Variants in FHIT observed in about 807,000 individuals in gnomAD.
FHIT encodes fragile histidine triad diadenosine triphosphatase, also known as bis(5'-adenosyl)-triphosphatase.
FHIT carries 19 observed loss-of-function variants against 17.9 expected under a neutral mutation model. The observed-to-expected ratio is 1.06, with a 90% CI of 0.74 to 1.56. FHIT has a LOEUF of 1.56. Among genes scored for constraint, FHIT ranks in the 40% most tolerant of loss-of-function variants. The pLI, the probability that FHIT is intolerant of heterozygous loss-of-function variation, is 0.00. For missense variants in FHIT, 248 were observed against 189.2 expected (o/e 1.31, Z -1.82); for synonymous variants, 81 against 69.7 (o/e 1.16, Z -0.81).
At chr3:60,531,000 T>C (rs1337532785) in intron 5 of FHIT, among the ~76,000 whole-genome samples, 3 of 152,192 alleles carry the variant, frequency 2.0e-5, no homozygotes, top group East Asian at 1.9e-4. Flanking sequence ...GCTAAATGCA[T>C]GTCTTTGAAC....
At chr3:60,723,974 T>C (rs782524588) in intron 4 of FHIT, among the ~76,000 whole-genome samples, 4 of 152,242 alleles carry the variant, frequency 2.6e-5, no homozygotes, top group Non-Finnish European at 5.9e-5. Flanking sequence ...TTTTTGTTTT[T>C]ATAACAGCTT....
At chr3:60,081,403 C>A (rs1576055213) in intron 5 of FHIT, among the ~76,000 whole-genome samples, 2 of 152,190 alleles carry the variant, frequency 1.3e-5, no homozygotes, top group South Asian at 4.2e-4. Context: ...CAGCCTGATC[C>A]ACTTACTTCT....
At chr3:60,817,525 T>C (rs1407826945) in intron 4 of FHIT, among the ~76,000 whole-genome samples, 6 of 152,018 alleles carry the variant, frequency 3.9e-5, no homozygotes, top group African/African-American at 1.4e-4. Context: ...TGTTTTGCTT[T>C]TTTTTTTACC....
At chr3:60,685,075 AC>A (rs782582316) in intron 4 of FHIT, among the ~76,000 whole-genome samples, 2 of 152,066 alleles carry the variant, frequency 1.3e-5, no homozygotes, top group South Asian at 2.1e-4. Flanking sequence ...TATTAAAGTA[AC>A]CCTTATCTTC....
chr3:60,701,077 T>C (rs953472182), intron 4 of FHIT, among the ~76,000 whole-genome samples: 39 of 152,124 alleles, frequency 2.6e-4, no homozygotes, highest in African/African-American at 8.7e-4. Flanking sequence ...TTTCATAGCA[T>C]CTTTTATTAG....
chr3:60,321,804 G>C (rs1250889459), intron 5 of FHIT, among the ~76,000 whole-genome samples: 1 of 152,194 alleles, frequency 6.6e-6, no homozygotes, highest in African/African-American at 2.4e-5. Context: ...CCTGGTGAGG[G>C]CTTGCTCTCT....
rs140485514 is a variant in FHIT, at chr3:60,484,001, T to C, written c.103+52859A>G. 3.7e-3 allele frequency among the ~76,000 whole-genome samples: 559 copies of C among 152,178 alleles called. 6 individuals carry two copies. Among genetic ancestry groups the C allele is most frequent in the East Asian group, 0.029 (150 of 5,158 alleles). On this transcript the variant is annotated intron_variant, in intron 5 of 9. Transcript: ENST00000492590. ...AAAGTCTCAGGATACAAAATCAATG[T>C]GCAAAAATCACAAGCATTCCTTTAC...
At chr3:60,907,688 G>GA (rs1360614081) in intron 3 of FHIT, among the ~76,000 whole-genome samples, 1 of 151,916 alleles carries the variant, frequency 6.6e-6, no homozygotes, top group South Asian at 2.1e-4. Flanking sequence ...ATAAATGAGA[G>GA]AAAAAAAGCC....
intron 2 of FHIT, among the ~76,000 whole-genome samples, chr3:61,191,323 C>T (rs1406487605): frequency 2.0e-5 from 3 of 152,132 alleles, no homozygotes; most frequent in Non-Finnish European, 4.4e-5. Flanking sequence ...TTCTGCTTCA[C>T]TGTGTGAGCT....
At chr3:60,595,159 C>A (rs2038222676) in intron 4 of FHIT, among the ~76,000 whole-genome samples, 1 of 152,030 alleles carries the variant, frequency 6.6e-6, no homozygotes, top group African/African-American at 2.4e-5. Context: ...ATCTGCATTA[C>A]ATTTCAAGCC....
chr3:60,241,838 G>C (rs186951530), intron 5 of FHIT, among the ~76,000 whole-genome samples: 29 of 152,150 alleles, frequency 1.9e-4, no homozygotes, highest in African/African-American at 6.7e-4. Flanking sequence ...AAGAAGTGGA[G>C]CTTACTCTAA....
At chr3:60,444,344 G>C (rs2031161275) in intron 5 of FHIT, among the ~76,000 whole-genome samples, 1 of 152,128 alleles carries the variant, frequency 6.6e-6, no homozygotes, top group Non-Finnish European at 1.5e-5. Context: ...CCATTACTGG[G>C]TATATATCCA....
At chr3:61,072,349 A>C (rs991777581) in intron 2 of FHIT, among the ~76,000 whole-genome samples, 2 of 152,222 alleles carry the variant, frequency 1.3e-5, no homozygotes, top group Non-Finnish European at 2.9e-5. Context: ...CAAGCATGGT[A>C]ACTTCATTCC....
intron 4 of FHIT, among the ~76,000 whole-genome samples, chr3:60,704,620 CT>C (rs1410706888): frequency 6.6e-6 from 1 of 152,094 alleles, no homozygotes; most frequent in Non-Finnish European, 1.5e-5. Flanking sequence ...AGAAAAACAA[CT>C]TGAAAAATGA....
chr3:60,068,170 G>A (rs964190657), intron 5 of FHIT, among the ~76,000 whole-genome samples: 1 of 152,172 alleles, frequency 6.6e-6, no homozygotes. Context: ...AGGAGGCAGA[G>A]GTTGCAGTGA....
chr3:60,377,868 AG>A (rs1700638761), intron 5 of FHIT, among the ~76,000 whole-genome samples: 1 of 152,120 alleles, frequency 6.6e-6, no homozygotes, highest in Non-Finnish European at 1.5e-5. Flanking sequence ...GGGTTTAGGG[AG>A]GGGGCACAAA....
rs150534095 is a variant in FHIT, at chr3:61,217,455, G to C, written c.-212-16790C>G. 2.6e-5 allele frequency among the ~76,000 whole-genome samples: 4 copies of C among 152,290 alleles called. No homozygotes were observed. In the East Asian group the frequency reaches 7.7e-4, roughly 29 times the overall value. On this transcript the variant is annotated intron_variant, in intron 1 of 9. Coordinates refer to ENST00000492590, the MANE Select transcript of FHIT (RefSeq NM_002012.4). ...TATGTCCATGTGGCCTCTCCATGTG[G>C]CTTGAGTCTCCTCACAACATGGTGG...
intron 4 of FHIT, among the ~76,000 whole-genome samples, chr3:60,568,064 C>T (rs997039775): frequency 4.6e-5 from 7 of 152,292 alleles, no homozygotes; most frequent in Non-Finnish European, 7.4e-5. Flanking sequence ...CCTCAGGGAT[C>T]TTGAACTAGA....
At chr3:60,277,748 C>G (rs1707225861) in intron 5 of FHIT, among the ~76,000 whole-genome samples, 2 of 150,058 alleles carry the variant, frequency 1.3e-5, no homozygotes, top group East Asian at 3.9e-4. Flanking sequence ...AGAGAGAAAG[C>G]TGTTCTCCTT....
Sources: gnomAD v4.1 joint callset for allele counts (sites outside exome capture counted in the v4.1 genomes callset) on GRCh38, gnomAD v4.1.1 for gene constraint, MANE v1.5 for transcripts, NCBI Gene and HGNC (gene_info 2026-07-23, HGNC 2026-07-21) for gene names.